KLF3: variants seen among roughly 807,000 people sequenced by gnomAD.
KLF3 encodes Krueppel-like factor 3.
Under a neutral mutation model 32.7 loss-of-function variants are expected in KLF3, and 6 were observed. The observed-to-expected ratio is 0.18, with a 90% CI of 0.10 to 0.36. KLF3 has a LOEUF of 0.36. Ranked by LOEUF, KLF3 falls within the 10% of genes least tolerant of loss-of-function variation. The pLI is 1.00. For missense variants in KLF3, 338 were observed against 449.7 expected, an observed-to-expected ratio of 0.75 and a Z score of 2.25; for synonymous variants, 145 against 172.8, an observed-to-expected ratio of 0.84 and a Z score of 1.26.
chr4:38,685,444 C>T (rs1402012901), intron 2 of KLF3, among the ~76,000 whole-genome samples: 1 of 152,162 alleles, frequency 6.6e-6, no homozygotes, highest in Non-Finnish European at 1.5e-5. Flanking sequence ...TATCAGCAAA[C>T]TGCATAATGT....
In KLF3 at chr4:38,689,131, A is replaced by T. The variant is rs2109252440; in HGVS notation, c.544+60A>T. 3.1e-6 allele frequency: 5 copies of T among 1,588,048 alleles called. No homozygotes were observed. The South Asian group carries it at 4.6e-5, about 15-fold the overall frequency. On this transcript the variant is annotated intron_variant, in intron 3 of 5. Transcript: ENST00000261438. ...GCTTAGCGTACTGGCGCTTCACCAG[A>T]TGGGGTGGGTGAGGAAGCATGGGGG...
chr4:38,687,493 T>C, intron 2 of KLF3, among the ~76,000 whole-genome samples: 1 of 152,198 alleles, frequency 6.6e-6, no homozygotes, highest in East Asian at 1.9e-4. Context: ...GTTATCCTGA[T>C]ATTTAAAGAG....
intron 4 of KLF3, among the ~76,000 whole-genome samples, chr4:38,692,977 T>C (rs1403767114): frequency 6.6e-6 from 1 of 151,100 alleles, no homozygotes; most frequent in Admixed American, 6.6e-5. Context: ...TATTGAAGGA[T>C]TTTAAATGAA....
At chr4:38,680,782 G>C in intron 2 of KLF3, 100 bp downstream of exon 2, 2 of 934,068 alleles carry the variant, frequency 2.1e-6, no homozygotes, top group Non-Finnish European at 3.4e-6. Flanking sequence ...CGGGCGTGGT[G>C]GCTCACGCCT....
chr4:38,668,574 G>T (rs767908741), intron 1 of KLF3, among the ~76,000 whole-genome samples: 133 of 152,338 alleles, frequency 8.7e-4, no homozygotes, highest in Non-Finnish European at 1.4e-3. Context: ...GGGAGTTTTA[G>T]AAGTCCCAAT....
intron 1 of KLF3, among the ~76,000 whole-genome samples, chr4:38,665,126 G>T (rs1450916263): frequency 1.3e-5 from 2 of 152,104 alleles, no homozygotes; most frequent in Admixed American, 6.5e-5. Context: ...CCCATTCTCG[G>T]TTCTGGAGCC....
rs944703440 is a variant in KLF3, at chr4:38,688,689, G to A, written c.162G>A (p.Ser54=). Residue 54 remains serine (S), a synonymous_variant, in exon 3 of 6, where the codon TCG becomes TCA. Transcript: ENST00000261438. This position sits in a 1 kb window ranked among gnomAD's most constrained non-coding sequence, Gnocchi z 4.9. ...TCTTTCAGACCCCAGAAGGTCTGTC[G>A]CACGGAATACAGATGGAGCCAGTGG... ...EKFFQTPEGL[S]HGIQMEPVDL... is the part of the protein sequence containing the mutation. 5.0e-6 allele frequency: 8 copies of A among 1,613,988 alleles called. No individual in the cohort carries two copies. The East Asian group carries it at 8.9e-5, about 18-fold the overall frequency.
intron 2 of KLF3, among the ~76,000 whole-genome samples, chr4:38,686,171 G>A (rs986979669): frequency 2.0e-5 from 3 of 151,910 alleles, no homozygotes; most frequent in Non-Finnish European, 4.4e-5. Context: ...CTGGCTGCGC[G>A]TGGTGGCTCA....
At chr4:38,693,067 TATATATATACACATATATATACAC>T (rs1722921799) in intron 4 of KLF3, among the ~76,000 whole-genome samples, 5 of 142,524 alleles carry the variant, frequency 3.5e-5, no homozygotes, top group African/African-American at 1.3e-4. Flanking sequence ...TATATATATG[TATATATATACACATATATATACAC>T]GTATATATAT....
chr4:38,696,027 T>TGATA lies in KLF3; in HGVS notation c.857-1053_857-1050dup, dbSNP rs1579134543. 2.0e-5 allele frequency among the ~76,000 whole-genome samples: 3 copies of TGATA among 151,628 alleles called. No homozygotes were observed. In the East Asian group the frequency reaches 5.8e-4, roughly 29 times the overall value. On this transcript the variant is annotated intron_variant, in intron 5 of 5. Coordinates refer to ENST00000261438, the MANE Select transcript of KLF3 (RefSeq NM_016531.6). ...TAACACCCACAGAGAGAGCTGAGGGTGATAGCCTTGTATCTAGAGCAACGC... is the reference window on the plus strand; with the variant it reads ...TAACACCCACAGAGAGAGCTGAGGGTGATAGATAGCCTTGTATCTAGAGCAACGC...
At chr4:38,668,986 T>C (rs1462409668) in intron 1 of KLF3, among the ~76,000 whole-genome samples, 1 of 152,244 alleles carries the variant, frequency 6.6e-6, no homozygotes, top group Non-Finnish European at 1.5e-5. Context: ...TTTAATTTCA[T>C]TGTGTCTCCA....
intron 4 of KLF3, 60 bp downstream of exon 4, chr4:38,689,939 C>A: frequency 6.6e-7 from 1 of 1,515,488 alleles, no homozygotes; most frequent in Non-Finnish European, 8.9e-7. Context: ...GAACCTGGAG[C>A]AGAAGCACAA....
intron 1 of KLF3, among the ~76,000 whole-genome samples, chr4:38,679,353 A>T (rs908681389): frequency 1.1e-4 from 16 of 152,260 alleles, no homozygotes; most frequent in Admixed American, 3.9e-4. Context: ...CCATCTTGAG[A>T]CTTAACAAGT....
chr4:38,673,406 A>G (rs1722256087), intron 1 of KLF3, among the ~76,000 whole-genome samples: 1 of 152,180 alleles, frequency 6.6e-6, no homozygotes, highest in African/African-American at 2.4e-5. Flanking sequence ...TCTGGATTTG[A>G]TTATATAACA....
Position 38,689,791 on chromosome 4 carries a change from A to G in KLF3, c.607A>G (p.Ile203Val). The G allele has an allele frequency of 6.2e-7, 1 of 1,612,702 alleles. No homozygotes were observed. ...SQKKIKIEPG[I>V]EPQRTDYYPE... ...GAAAAAAATTAAAATAGAACCTGGG[A>G]TCGAACCACAGAGGACAGATTATTA... Residue 203 changes from isoleucine (I) to valine (V), a missense_variant, in exon 4 of 6, where the codon ATC becomes GTC. Around this residue, in one of 2 missense-constraint regions of KLF3, gnomAD observed 272 missense variants for 313.4 expected, o/e 0.87. Coordinates refer to ENST00000261438, the MANE Select transcript of KLF3 (RefSeq NM_016531.6).
intron 2 of KLF3, among the ~76,000 whole-genome samples, chr4:38,684,116 G>A (rs900264887): frequency 2.6e-5 from 4 of 152,096 alleles, no homozygotes; most frequent in Non-Finnish European, 4.4e-5. Context: ...CCGTCATTCC[G>A]TCCACTGAAA....
rs142878615 is a variant in KLF3, at chr4:38,688,651, T to C, written c.124T>C (p.Leu42=). Residue 42 remains leucine (L), a synonymous_variant, in exon 3 of 6, where the codon TTG becomes CTG. Coordinates refer to ENST00000261438, the MANE Select transcript of KLF3 (RefSeq NM_016531.6). The surrounding 1 kb of genome is among the most constrained non-coding windows in gnomAD (Gnocchi z 4.9). ...NKYGVIYSTP[L]PEKFFQTPEG... is the part of the protein sequence containing the mutation. ...GTATGGGGTCATCTACTCCACACCA[T>C]TGCCTGAGAAGTTCTTTCAGACCCC... is the stretch of plus-strand genomic sequence containing the variant. The C allele has an allele frequency of 1.8e-5, 29 of 1,614,030 alleles. No homozygotes were observed. In the East Asian group the frequency reaches 5.1e-4, roughly 29 times the overall value.
chr4:38,668,823 G>T (rs955132543), intron 1 of KLF3, among the ~76,000 whole-genome samples: 2 of 152,184 alleles, frequency 1.3e-5, no homozygotes, highest in East Asian at 1.9e-4. Flanking sequence ...GATAATTAGG[G>T]TCTAATATAT....
rs1265605377 is a variant in KLF3, at chr4:38,700,197, C to G, written c.*2934C>G. 6.6e-6 allele frequency: 1 copy of G among 152,148 alleles called. No homozygotes were observed. The highest frequency in any genetic ancestry group is 6.5e-5 in the Admixed American group (1 of 15,272). The allele number at this position is 152,148 out of a possible 1,614,324, so 9.4% of individuals were successfully genotyped here. A position where few individuals can be genotyped will look rare whatever the true frequency, so the allele number is the denominator to read the frequency against. Reference sequence around the variant, plus strand: ...GTGTTAGCAGCATAGCTATATTCAACTAGGGAGATGCTAAATACACAGAAG... The same window carrying G: ...GTGTTAGCAGCATAGCTATATTCAAGTAGGGAGATGCTAAATACACAGAAG... On this transcript the variant is annotated 3_prime_UTR_variant, in exon 6 of 6. Transcript: ENST00000261438.
Sources: allele counts gnomAD v4.1 joint callset (sites outside exome capture counted in the v4.1 genomes callset), GRCh38; gene constraint gnomAD v4.1.1; regional missense constraint gnomAD v4.1.1; non-coding constraint Gnocchi (gnomAD v3.1); transcripts MANE v1.5; gene names NCBI Gene and HGNC (gene_info 2026-07-23, HGNC 2026-07-21).